Variants in WIPI1 observed in about 807,000 individuals in gnomAD.
The protein encoded by WIPI1 is WD repeat domain, phosphoinositide interacting 1.
WIPI1 carries 45 observed loss-of-function variants against 55.3 expected under a neutral mutation model. The observed-to-expected ratio is 0.81, with a 90% CI of 0.64 to 1.04. The LOEUF is 1.04. Among genes scored for constraint, WIPI1 ranks in the 50% least tolerant of loss-of-function variants. The pLI is 0.00. For missense variants in WIPI1, 445 were observed against 559.0 expected (o/e 0.80, Z 2.06); for synonymous variants, 195 against 217.6 (o/e 0.90, Z 0.92).
rs780343533 is a variant in WIPI1 at position 68,450,732 on chromosome 17, C to A, written c.329G>T (p.Arg110Leu). The change falls in exon 3 of 13, where the codon CGG becomes CTG. Residue 110 changes from arginine (R) to leucine (L), a missense_variant. Coordinates refer to ENST00000262139, the MANE Select transcript of WIPI1 (RefSeq NM_017983.7). ...CTGAGGGATTTCCCCACTTACTTGC[C>A]GGTTCAGCCTTATGGACAAGATGTT... ...SSNILSIRLNRQRLLVCLEES... is the reference protein window; with the variant it reads ...SSNILSIRLNLQRLLVCLEES... 1.2e-6 allele frequency: 2 copies of A among 1,604,980 alleles called. No homozygotes were observed. The highest frequency in any genetic ancestry group is 1.1e-5 in the South Asian group (1 of 89,524).
rs1270346129 is a variant in WIPI1, at chr17:68,421,667, GC to G, written c.*105del. The stretch of plus-strand genomic sequence containing the variant: ...AAGCAGTGGAGCACCCGGGATTCCT[GC>G]CCCCCTTTCTGCTCACACAATTGCA... On this transcript the variant is annotated 3_prime_UTR_variant, in exon 13 of 13. Coordinates refer to ENST00000262139, the MANE Select transcript of WIPI1 (RefSeq NM_017983.7). The G allele has an allele frequency of 5.3e-6, 8 of 1,511,156 alleles. No individual in the cohort carries two copies. The Admixed American group carries it at 6.7e-5, about 13-fold the overall frequency. The allele number at this position is 1,511,156 out of a possible 1,614,324, so 93.6% of individuals were successfully genotyped here.
At chr17:68,438,430 G>A (rs2083927445) in intron 4 of WIPI1, among the ~76,000 whole-genome samples, 1 of 152,216 alleles carries the variant, frequency 6.6e-6, no homozygotes, top group African/African-American at 2.4e-5. Context: ...GTGAAACTGG[G>A]GAGGGAAGGC....
intron 4 of WIPI1, among the ~76,000 whole-genome samples, chr17:68,443,267 T>A (rs2147945688): frequency 6.6e-6 from 1 of 152,234 alleles, no homozygotes; most frequent in South Asian, 2.1e-4. Context: ...CTCGCCACCA[T>A]GCTCAGCTAA....
intron 7 of WIPI1, among the ~76,000 whole-genome samples, chr17:68,434,003 C>T (rs896307953): frequency 5.3e-5 from 8 of 151,784 alleles, no homozygotes; most frequent in African/African-American, 1.9e-4. Flanking sequence ...GGCTGGTCCT[C>T]AGGTGATCTG....
intron 12 of WIPI1, among the ~76,000 whole-genome samples, chr17:68,425,365 G>A (rs184724508): frequency 2.5e-4 from 37 of 146,990 alleles, no homozygotes; most frequent in Middle Eastern, 3.4e-3. Flanking sequence ...CACCACACCC[G>A]GCTAATTTTT....
chr17:68,431,814 G>A (rs1023466558), intron 8 of WIPI1, among the ~76,000 whole-genome samples: 2 of 11,676 alleles, frequency 1.7e-4, no homozygotes, highest in Non-Finnish European at 3.6e-4. Flanking sequence ...TCTGCTCCTG[G>A]TCACCTGTGC....
At chr17:68,455,051 T>C (rs899645401) in intron 1 of WIPI1, among the ~76,000 whole-genome samples, 1 of 152,160 alleles carries the variant, frequency 6.6e-6, no homozygotes, top group Admixed American at 6.5e-5. Flanking sequence ...ATATTTATCA[T>C]TAATCAAATT....
intron 4 of WIPI1, among the ~76,000 whole-genome samples, chr17:68,437,055 A>G (rs1485821172): frequency 9.7e-6 from 1 of 102,764 alleles, no homozygotes; most frequent in Non-Finnish European, 2.0e-5. Context: ...GCTCATTTTT[A>G]CATTTTACCC....
At position 68,421,849 on chromosome 17, in the gene WIPI1, C is replaced by G. The variant is rs763898157; in HGVS notation, c.1294-29G>C. ...CCAAAATCAAAACAGAATGGCCTTA[C>G]TCTTCTCAGGAAGAGGCTGGTAGGC... On this transcript the variant is annotated intron_variant, in intron 12 of 12. Coordinates refer to ENST00000262139, the MANE Select transcript of WIPI1 (RefSeq NM_017983.7). The G allele has an allele frequency of 1.2e-5, 19 of 1,613,950 alleles. No homozygotes were observed. The East Asian group carries it at 4.2e-4, about 36-fold the overall frequency.
intron 3 of WIPI1, among the ~76,000 whole-genome samples, chr17:68,445,523 C>T (rs2084248574): frequency 6.6e-6 from 1 of 152,204 alleles, no homozygotes; most frequent in African/African-American, 2.4e-5. Flanking sequence ...TTTGAACACC[C>T]CAGTGCCCCA....
chr17:68,430,265 A>AGAG, intron 8 of WIPI1, 105 bp from the exon 9 acceptor site: 2 of 1,181,076 alleles, frequency 1.7e-6, no homozygotes, highest in Non-Finnish European at 2.4e-6. Flanking sequence ...CGCAGCAGGG[A>AGAG]GAGACTGTGC....
At chr17:68,438,770 T>C (rs1299750334) in intron 4 of WIPI1, among the ~76,000 whole-genome samples, 2 of 152,158 alleles carry the variant, frequency 1.3e-5, no homozygotes, top group Non-Finnish European at 2.9e-5. Context: ...CCAGCTAATT[T>C]TTGTATTTTC....
intron 2 of WIPI1, among the ~76,000 whole-genome samples, chr17:68,452,126 G>A (rs1388667522): frequency 6.6e-6 from 1 of 152,176 alleles, no homozygotes; most frequent in African/African-American, 2.4e-5. Flanking sequence ...CATTTCTAGT[G>A]AATTATTTAC....
At chr17:68,444,025 A>C (rs186410329) in intron 4 of WIPI1, among the ~76,000 whole-genome samples, 28 of 152,346 alleles carry the variant, frequency 1.8e-4, no homozygotes, top group South Asian at 2.1e-4. Context: ...ATATCGTCGA[A>C]GTAGAGAGAT....
rs149928486 is a variant in WIPI1, at chr17:68,435,247, T to G, written c.621+373A>C. On this transcript the variant is annotated intron_variant, in intron 6 of 12. Transcript: ENST00000262139. ...ATTCAATTGGATCACTTTCTCTGAT[T>G]ATTCCAGGCAGAAGACATCAATTTC... Among the ~76,000 whole-genome samples, 4 of 152,210 alleles carry G rather than the reference T, an allele frequency of 2.6e-5. No homozygotes were observed. In the East Asian group the frequency reaches 7.7e-4, roughly 29 times the overall value.
At chr17:68,425,871 G>A in intron 12 of WIPI1, 1 of 549,696 alleles carries the variant, frequency 1.8e-6, no homozygotes. Context: ...TGCCATCAGG[G>A]TTTAGCTCGA....
In WIPI1 at chr17:68,422,992, G is replaced by GT. The variant is rs2082908450; in HGVS notation, c.1294-1173dup. ...GGCAAGCGTGATCCTACGCAGGGAA[G>GT]TGTCAGTATGTGTTCTGAAAAGATC... On this transcript the variant is annotated intron_variant, in intron 12 of 12. Coordinates refer to ENST00000262139, the MANE Select transcript of WIPI1 (RefSeq NM_017983.7). 2.6e-5 allele frequency among the ~76,000 whole-genome samples: 4 copies of GT among 152,302 alleles called. 1 individual carries two copies. The highest frequency in any genetic ancestry group is 2.6e-4 in the Admixed American group (4 of 15,296).
At chr17:68,442,395 G>T (rs867371739) in intron 4 of WIPI1, among the ~76,000 whole-genome samples, 1 of 151,438 alleles carries the variant, frequency 6.6e-6, no homozygotes, top group Admixed American at 6.6e-5. Flanking sequence ...AATCCGGGAG[G>T]CGAAGGTTGC....
At chr17:68,454,882 A>T in intron 1 of WIPI1, among the ~76,000 whole-genome samples, 1 of 151,982 alleles carries the variant, frequency 6.6e-6, no homozygotes, top group East Asian at 1.9e-4. Context: ...ATATGAGAAA[A>T]TCACAGAGTG....
Sources: allele counts gnomAD v4.1 joint callset (sites outside exome capture counted in the v4.1 genomes callset), GRCh38; gene constraint gnomAD v4.1.1; transcripts MANE v1.5; gene names NCBI Gene and HGNC (gene_info 2026-07-23, HGNC 2026-07-21).